Variants in SCCPDH observed in about 807,000 individuals in gnomAD.
SCCPDH encodes saccharopine dehydrogenase (putative).
A neutral mutation model predicts 51.5 loss-of-function variants in SCCPDH; 34 were observed. That is an observed-to-expected ratio of 0.66 (90% confidence interval 0.50 to 0.88). SCCPDH has a LOEUF of 0.88. SCCPDH is among the 40% of genes least tolerant of loss of function. The pLI is 0.00. For synonymous variants in SCCPDH, 187 were observed against 191.3 expected (o/e 0.98, Z 0.19); for missense variants, 464 against 527.1 (o/e 0.88, Z 1.17).
At chr1:246,763,144 A>G (rs377189086) in intron 9 of SCCPDH, among the ~76,000 whole-genome samples, 37 of 152,230 alleles carry the variant, frequency 2.4e-4, no homozygotes, top group African/African-American at 8.4e-4. Context: ...TGGTTTTGGT[A>G]CCCACCCCTG....
intron 2 of SCCPDH, among the ~76,000 whole-genome samples, chr1:246,735,043 A>C (rs761271293): frequency 6.6e-6 from 1 of 152,220 alleles, no homozygotes; most frequent in Non-Finnish European, 1.5e-5. Context: ...CCCCATGTCC[A>C]GCCCAGCTAG....
At chr1:246,762,437 C>T (rs1190351945) in intron 9 of SCCPDH, among the ~76,000 whole-genome samples, 1 of 152,198 alleles carries the variant, frequency 6.6e-6, no homozygotes, top group Non-Finnish European at 1.5e-5. Context: ...TGTCTTCCCA[C>T]TGCTGTCCAA....
At chr1:246,746,107 C>CAA (rs756929255) in intron 5 of SCCPDH, among the ~76,000 whole-genome samples, 2,072 of 79,202 alleles carry the variant, frequency 0.026, 60 homozygotes, top group Non-Finnish European at 0.038. Flanking sequence ...GACTCCATCT[C>CAA]AAAAAAAAAA....
At chr1:246,745,529 A>G (rs1315223515) in intron 5 of SCCPDH, among the ~76,000 whole-genome samples, 1 of 152,214 alleles carries the variant, frequency 6.6e-6, no homozygotes, top group Admixed American at 6.5e-5. Flanking sequence ...TCTAACTAAG[A>G]GTCCAGAGAT....
chr1:246,734,062 T>C (rs1245733870), intron 2 of SCCPDH, among the ~76,000 whole-genome samples: 5 of 152,148 alleles, frequency 3.3e-5, no homozygotes, highest in African/African-American at 1.2e-4. Flanking sequence ...TGAGGCTTAT[T>C]TACAATGCAA....
At chr1:246,759,393 G>A (rs1668980161) in intron 7 of SCCPDH, among the ~76,000 whole-genome samples, 1 of 152,092 alleles carries the variant, frequency 6.6e-6, no homozygotes, top group East Asian at 1.9e-4. Context: ...ATTCAATACG[G>A]GAAATCCTGC....
intron 2 of SCCPDH, among the ~76,000 whole-genome samples, chr1:246,728,646 C>T (rs538021741): frequency 3.3e-5 from 5 of 152,240 alleles, no homozygotes; most frequent in African/African-American, 4.8e-5. Context: ...TTTAGTATCC[C>T]GTCTCTCTTT....
At position 246,744,137 on chromosome 1, in the gene SCCPDH, G is replaced by C. The variant is rs1288199747; in HGVS notation, c.564+12G>C. 2.6e-6 allele frequency: 4 copies of C among 1,555,138 alleles called. No individual in the cohort carries two copies. The highest frequency in any genetic ancestry group is 1.4e-5 in the African/African-American group (1 of 73,662). ...ATTCAGGACCTGAGGTTGGTTTTTT[G>C]GTTTGTCTTGTGTTGTTTCAAGTTA... On this transcript the variant is annotated intron_variant, in intron 5 of 11. Coordinates refer to ENST00000366510, the MANE Select transcript of SCCPDH (RefSeq NM_016002.3).
At chr1:246,734,621 C>G (rs371294130) in intron 2 of SCCPDH, among the ~76,000 whole-genome samples, 5 of 152,276 alleles carry the variant, frequency 3.3e-5, no homozygotes, top group African/African-American at 9.6e-5. Flanking sequence ...GGTGTGAGGT[C>G]TTGGAGTTAG....
chr1:246,746,369 T>C (rs1293851747), intron 5 of SCCPDH, among the ~76,000 whole-genome samples: 1 of 152,126 alleles, frequency 6.6e-6, no homozygotes, highest in African/African-American at 2.4e-5. Context: ...ATACAATGTC[T>C]GGAATCTATA....
At chr1:246,728,502 A>T (rs1040630834) in intron 2 of SCCPDH, among the ~76,000 whole-genome samples, 1 of 152,148 alleles carries the variant, frequency 6.6e-6, no homozygotes, top group Non-Finnish European at 1.5e-5. Flanking sequence ...TCCCCCTGCT[A>T]ACTGGTCACA....
chr1:246,739,274 G>A lies in SCCPDH; in HGVS notation c.385-898G>A, dbSNP rs76324971. Among the ~76,000 whole-genome samples, 1,076 of 152,302 alleles carry A rather than the reference G, an allele frequency of 7.1e-3. 17 individuals are homozygous for A. Among genetic ancestry groups the A allele is most frequent in the African/African-American group, 0.024 (992 of 41,540 alleles). ...CATGTTGACAGTGCGTAGCCCCGATGTGATATGATATGATAAGAATAGCAC... is the reference window on the plus strand; with the variant it reads ...CATGTTGACAGTGCGTAGCCCCGATATGATATGATATGATAAGAATAGCAC... On this transcript the variant is annotated intron_variant, in intron 3 of 11. Coordinates refer to ENST00000366510, the MANE Select transcript of SCCPDH (RefSeq NM_016002.3).
intron 2 of SCCPDH, among the ~76,000 whole-genome samples, chr1:246,732,837 G>A (rs781557317): frequency 1.4e-4 from 22 of 152,186 alleles, no homozygotes; most frequent in Non-Finnish European, 3.1e-4. Context: ...AGTGAGTGTT[G>A]TTATTCATCA....
intron 9 of SCCPDH, 30 bp from the exon 10 acceptor site, chr1:246,764,216 G>A (rs778648679): frequency 3.6e-6 from 5 of 1,378,190 alleles, no homozygotes; most frequent in Non-Finnish European, 5.2e-6. Context: ...ACGTATTTAT[G>A]AAATGCGCCC....
Position 246,740,272 on chromosome 1 carries a change from G to A in SCCPDH, c.485G>A (p.Gly162Glu). The A allele has an allele frequency of 6.2e-7, 1 of 1,604,712 alleles. No individual in the cohort carries two copies. Among genetic ancestry groups the A allele is most frequent in the Non-Finnish European group, 8.5e-7 (1 of 1,173,620 alleles). The change falls in exon 4 of 12, where the codon GGA becomes GAA. Residue 162 changes from glycine to glutamate, a missense_variant. Physicochemically the swap from Gly to Glu is moderately conservative, Grantham distance 98. Coordinates refer to ENST00000366510, the MANE Select transcript of SCCPDH (RefSeq NM_016002.3). ...SGFDSIPADLGVIYTRNKMNG... is the reference protein window; with the variant it reads ...SGFDSIPADLEVIYTRNKMNG... ...TTTGACTCCATTCCAGCAGATCTGGGAGTAATATATACCAGAAATAAAATG... is the reference window on the plus strand; with the variant it reads ...TTTGACTCCATTCCAGCAGATCTGGAAGTAATATATACCAGAAATAAAATG...
chr1:246,743,332 C>G (rs191689091), intron 4 of SCCPDH, among the ~76,000 whole-genome samples: 118 of 152,168 alleles, frequency 7.8e-4, no homozygotes, highest in African/African-American at 2.7e-3. Flanking sequence ...CGCCTGAAAT[C>G]CCAGCACTTT....
intron 2 of SCCPDH, among the ~76,000 whole-genome samples, chr1:246,730,904 C>CA (rs1356298979): frequency 2.6e-5 from 4 of 152,012 alleles, no homozygotes; most frequent in African/African-American, 9.7e-5. Context: ...ACTAAAAATA[C>CA]AAAAAATTAG....
At chr1:246,727,912 A>G (rs1183544502) in intron 2 of SCCPDH, among the ~76,000 whole-genome samples, 1 of 152,156 alleles carries the variant, frequency 6.6e-6, no homozygotes, top group Non-Finnish European at 1.5e-5. Flanking sequence ...GGTGTGACCA[A>G]GAGGCGTTGA....
intron 3 of SCCPDH, 102 bp from the exon 4 acceptor site, chr1:246,740,070 C>T (rs1668655170): frequency 1.1e-6 from 1 of 912,434 alleles, no homozygotes; most frequent in East Asian, 2.6e-5. Flanking sequence ...CACTGCTTAG[C>T]ATTTTCAAAG....
Sources: gnomAD v4.1 joint callset for allele counts (sites outside exome capture counted in the v4.1 genomes callset) on GRCh38, gnomAD v4.1.1 for gene constraint, MANE v1.5 for transcripts, NCBI Gene and HGNC (gene_info 2026-07-23, HGNC 2026-07-21) for gene names.